RBFOX1: variants seen among roughly 807,000 people sequenced by gnomAD.
The protein encoded by RBFOX1 is RNA binding fox-1 homolog 1, also known as RNA binding protein fox-1 homolog 1.
RBFOX1 carries 8 observed loss-of-function variants against 57.7 expected under a neutral mutation model. The ratio of observed to expected loss-of-function variants is 0.14; its 90% CI spans 0.08 to 0.25. The LOEUF (loss-of-function observed/expected upper bound fraction) is 0.25, where lower values mean the gene tolerates loss of function less well. RBFOX1 is among the 10% of genes least tolerant of loss of function. The pLI, the probability that RBFOX1 is intolerant of heterozygous loss-of-function variation, is 1.00. For synonymous variants in RBFOX1, 326 were observed against 222.4 expected, an observed-to-expected ratio of 1.47 and a Z score of -4.15; for missense variants, 611 against 548.5, an observed-to-expected ratio of 1.11 and a Z score of -1.14.
intron 3 of RBFOX1, among the ~76,000 whole-genome samples, chr16:5,835,718 T>G (rs1038180915): frequency 1.3e-5 from 2 of 152,236 alleles, no homozygotes; most frequent in Non-Finnish European, 2.9e-5. Context: ...AAAATGTGTT[T>G]CCTGTCTCAT....
intron 3 of RBFOX1, among the ~76,000 whole-genome samples, chr16:5,642,859 G>T (rs2048926970): frequency 6.6e-6 from 1 of 152,160 alleles, no homozygotes; most frequent in African/African-American, 2.4e-5. Flanking sequence ...TGATGACTCT[G>T]TGGCCCCTAG....
intron 4 of RBFOX1, among the ~76,000 whole-genome samples, chr16:5,910,057 C>G (rs541269446): frequency 6.6e-6 from 1 of 150,988 alleles, no homozygotes; most frequent in Admixed American, 6.6e-5. Flanking sequence ...CAAAAACAAA[C>G]AAAAACAAAA....
At chr16:6,548,614 G>T (rs960972352) in intron 2 of RBFOX1, among the ~76,000 whole-genome samples, 1 of 152,062 alleles carries the variant, frequency 6.6e-6, no homozygotes, top group Non-Finnish European at 1.5e-5. Context: ...CAAATAAGCT[G>T]AAGGAAAAAA....
At chr16:5,900,847 C>G (rs72769084) in intron 4 of RBFOX1, among the ~76,000 whole-genome samples, 1 of 152,130 alleles carries the variant, frequency 6.6e-6, no homozygotes, top group African/African-American at 2.4e-5. Context: ...AGCTCCCTCC[C>G]GGCCCCAGAG....
intron 3 of RBFOX1, among the ~76,000 whole-genome samples, chr16:6,767,941 T>TGATAAG (rs2077599590): frequency 3.5e-5 from 3 of 85,160 alleles, no homozygotes; most frequent in Non-Finnish European, 6.6e-5. Flanking sequence ...ATAATAATAA[T>TGATAAG]AATAATAAGA....
intron 1 of RBFOX1, among the ~76,000 whole-genome samples, chr16:6,197,386 C>T (rs538623116): frequency 2.8e-4 from 42 of 152,260 alleles, no homozygotes; most frequent in African/African-American, 9.1e-4. Context: ...CCACCCCATC[C>T]GCAATCTGCA....
At chr16:5,266,884 A>G (rs1248081333) in intron 1 of RBFOX1, among the ~76,000 whole-genome samples, 2 of 152,042 alleles carry the variant, frequency 1.3e-5, no homozygotes, top group Non-Finnish European at 2.9e-5. Flanking sequence ...TAAGGAAAGT[A>G]CTGTGTTGAC....
intron 1 of RBFOX1, among the ~76,000 whole-genome samples, chr16:5,417,355 A>G (rs1294396529): frequency 6.6e-6 from 1 of 152,212 alleles, no homozygotes; most frequent in Non-Finnish European, 1.5e-5. Context: ...CATTTTAGGT[A>G]ATTCAGTAAG....
At chr16:7,415,928 G>A (rs1287017963) in intron 4 of RBFOX1, among the ~76,000 whole-genome samples, 2 of 152,094 alleles carry the variant, frequency 1.3e-5, no homozygotes, top group African/African-American at 4.8e-5. Context: ...CGAAGCTTGG[G>A]CTGGTAGTGG....
intron 5 of RBFOX1, among the ~76,000 whole-genome samples, chr16:7,545,146 A>G (rs535137189): frequency 6.6e-6 from 1 of 152,282 alleles, no homozygotes; most frequent in East Asian, 1.9e-4. Context: ...CTTGCTGAGC[A>G]TCAAGGTGAA....
intron 2 of RBFOX1, among the ~76,000 whole-genome samples, chr16:6,432,092 G>T (rs1203872417): frequency 6.6e-6 from 1 of 151,986 alleles, no homozygotes; most frequent in East Asian, 1.9e-4. Flanking sequence ...CTCCCAAGAA[G>T]ATGAGACTAT....
At chr16:6,251,104 G>GA (rs1398312218) in intron 1 of RBFOX1, among the ~76,000 whole-genome samples, 4 of 152,118 alleles carry the variant, frequency 2.6e-5, no homozygotes, top group African/African-American at 7.2e-5. Flanking sequence ...TAGCCATTGT[G>GA]TTCAGCTCTT....
chr16:6,622,068 T>G (rs1235892060), intron 2 of RBFOX1, among the ~76,000 whole-genome samples: 4 of 152,182 alleles, frequency 2.6e-5, no homozygotes, highest in Admixed American at 1.3e-4. Flanking sequence ...GGTGTTTATG[T>G]GGAAAGGGAA....
chr16:6,872,456 G>A (rs1409666067), intron 3 of RBFOX1, among the ~76,000 whole-genome samples: 1 of 151,880 alleles, frequency 6.6e-6, no homozygotes, highest in Admixed American at 6.6e-5. Context: ...ACTCAACTTA[G>A]GAAACAGCTG....
chr16:7,068,592 A>T (rs2056662532), intron 4 of RBFOX1, among the ~76,000 whole-genome samples: 1 of 151,960 alleles, frequency 6.6e-6, no homozygotes, highest in South Asian at 2.1e-4. Context: ...TATTATTATT[A>T]TTTATTATTT....
At chr16:5,873,319 C>T (rs138071065) in intron 4 of RBFOX1, among the ~76,000 whole-genome samples, 57 of 152,302 alleles carry the variant, frequency 3.7e-4, no homozygotes, top group African/African-American at 1.3e-3. Flanking sequence ...ACTTAATTCA[C>T]ATTGGAGTTA....
At chr16:5,602,364 G>C (rs993160298), downstream of RBFOX1, among the ~76,000 whole-genome samples, 1 of 152,222 alleles carries the variant, frequency 6.6e-6, no homozygotes, top group African/African-American at 2.4e-5. Context: ...TTAAGGAAAT[G>C]ATTGTAGTAG....
intron 2 of RBFOX1, among the ~76,000 whole-genome samples, chr16:6,521,543 C>T (rs1300515821): frequency 6.8e-6 from 1 of 147,428 alleles, no homozygotes; most frequent in Non-Finnish European, 1.5e-5. Flanking sequence ...CCTCTCCTCT[C>T]CTCTCCTTCC....
intron 3 of RBFOX1, among the ~76,000 whole-genome samples, chr16:7,018,955 C>CA (rs1026989638): frequency 2.6e-5 from 4 of 151,526 alleles, no homozygotes; most frequent in African/African-American, 9.7e-5. Context: ...CTCGTCTCTA[C>CA]AAAAAAATTA....
Sources: gnomAD v4.1 joint callset for allele counts (sites outside exome capture counted in the v4.1 genomes callset) on GRCh38, gnomAD v4.1.1 for gene constraint, MANE v1.5 for transcripts, NCBI Gene and HGNC (gene_info 2026-07-23, HGNC 2026-07-21) for gene names.